The following MED12L variants were observed in gnomAD, a reference collection of about 807,000 sequenced individuals.
MED12L encodes mediator of RNA polymerase II transcription subunit 12-like protein.
In MED12L, 60 loss-of-function variants were observed where a neutral mutation model predicts 281.3. The ratio of observed to expected loss-of-function variants is 0.21; its 90% confidence interval spans 0.17 to 0.26. The LOEUF (loss-of-function observed/expected upper bound fraction) is 0.26, where lower values mean the gene tolerates loss of function less well. MED12L is among the 10% of genes least tolerant of loss of function. The pLI is 1.00. For synonymous variants in MED12L, 974 were observed against 987.2 expected (o/e 0.99, Z 0.25); for missense variants, 2,146 against 2,680.9 (o/e 0.80, Z 4.41).
At chr3:151,210,049 C>T (rs1197521759) in intron 16 of MED12L, among the ~76,000 whole-genome samples, 4 of 152,186 alleles carry the variant, frequency 2.6e-5, no homozygotes, top group African/African-American at 9.7e-5. Context: ...TCAATTTCAA[C>T]TCATAGGGTG....
intron 9 of MED12L, among the ~76,000 whole-genome samples, chr3:151,164,529 T>G (rs1021343001): frequency 1.3e-4 from 20 of 152,222 alleles, no homozygotes; most frequent in Admixed American, 9.8e-4. Context: ...AAATCATGCT[T>G]CTATAAAGAC....
intron 39 of MED12L, among the ~76,000 whole-genome samples, chr3:151,395,374 T>C (rs1214831475): frequency 6.6e-6 from 1 of 152,226 alleles, no homozygotes; most frequent in Non-Finnish European, 1.5e-5. Flanking sequence ...AGATAAATTA[T>C]AAACAACAGT....
At chr3:151,171,341 CTGTT>C (rs1390965566) in intron 11 of MED12L, among the ~76,000 whole-genome samples, 3 of 152,160 alleles carry the variant, frequency 2.0e-5, no homozygotes, top group South Asian at 2.1e-4. Flanking sequence ...TGGCATCTCT[CTGTT>C]TGGGATGAGT....
chr3:151,285,849 C>T (rs929303362), intron 16 of MED12L, among the ~76,000 whole-genome samples: 1 of 152,160 alleles, frequency 6.6e-6, no homozygotes, highest in Admixed American at 6.5e-5. Context: ...CATGTAAGGA[C>T]ACAGGGCACC....
chr3:151,141,668 T>C (rs2148869183), intron 5 of MED12L, among the ~76,000 whole-genome samples: 1 of 152,336 alleles, frequency 6.6e-6, no homozygotes, highest in African/African-American at 2.4e-5. Context: ...ATTGGGATTT[T>C]TTACTCTGTT....
chr3:151,270,611 C>G (rs912586879), intron 16 of MED12L, among the ~76,000 whole-genome samples: 9 of 152,076 alleles, frequency 5.9e-5, no homozygotes, highest in African/African-American at 1.9e-4. Context: ...TATCTGTCTA[C>G]TTTCTCTTGT....
intron 16 of MED12L, chr3:151,328,340 T>A: frequency 6.2e-7 from 1 of 1,613,174 alleles, no homozygotes; most frequent in East Asian, 2.2e-5. Context: ...GGACTTTCTA[T>A]AAGAATCATA....
intron 16 of MED12L, among the ~76,000 whole-genome samples, chr3:151,227,933 G>T (rs577035834): frequency 6.6e-6 from 1 of 152,224 alleles, no homozygotes; most frequent in African/African-American, 2.4e-5. Flanking sequence ...GCCATGGTTT[G>T]TGCAACCAGC....
intron 16 of MED12L, among the ~76,000 whole-genome samples, chr3:151,209,218 G>A (rs1022169242): frequency 6.6e-6 from 1 of 152,124 alleles, no homozygotes; most frequent in African/African-American, 2.4e-5. Context: ...TTGAAGCAGG[G>A]GGAGATAGGA....
At chr3:151,307,531 CTCTGTGTGTGTGTGTGTGTGTGTGTGTG>C (rs1343174356) in intron 16 of MED12L, among the ~76,000 whole-genome samples, 1 of 120,416 alleles carries the variant, frequency 8.3e-6, no homozygotes, top group African/African-American at 3.0e-5. Context: ...AGGTAACTTG[CTCTGTGTGTGTGTGTGTGTGTGTGTGTG>C]TGTGTGTGTG....
chr3:151,292,961 G>A (rs1744467729), intron 16 of MED12L, among the ~76,000 whole-genome samples: 1 of 152,130 alleles, frequency 6.6e-6, no homozygotes, highest in African/African-American at 2.4e-5. Context: ...CTATGCAAAT[G>A]ACCAACTGAG....
chr3:151,305,133 T>C (rs1453874076), intron 16 of MED12L, among the ~76,000 whole-genome samples: 4 of 152,266 alleles, frequency 2.6e-5, no homozygotes, highest in African/African-American at 9.6e-5. Flanking sequence ...ACAGTGGCTC[T>C]GCATTGTCTG....
At chr3:151,240,595 C>G (rs984322713) in intron 16 of MED12L, among the ~76,000 whole-genome samples, 2 of 152,102 alleles carry the variant, frequency 1.3e-5, no homozygotes, top group African/African-American at 4.8e-5. Context: ...ATGGCAGATT[C>G]AAATCTAGTT....
rs144030062 is a variant in MED12L, at chr3:151,102,659, G to C, written c.100-13679G>C. On this transcript the variant is annotated intron_variant, in intron 2 of 44. Transcript: ENST00000687756. Reference sequence around the variant, plus strand: ...TTTTATTTATGTTGTTTTTTGTAGAGACAAGGTCTCACTATGTTGCCCAGG... The same window carrying C: ...TTTTATTTATGTTGTTTTTTGTAGACACAAGGTCTCACTATGTTGCCCAGG... Among the ~76,000 whole-genome samples the C allele has an allele frequency of 3.9e-5, 6 of 152,246 alleles. No individual in the cohort carries two copies. The East Asian group carries it at 1.2e-3, about 29-fold the overall frequency.
At chr3:151,251,436 G>A (rs185044745) in intron 16 of MED12L, among the ~76,000 whole-genome samples, 1 of 151,848 alleles carries the variant, frequency 6.6e-6, no homozygotes, top group Admixed American at 6.6e-5. Context: ...CAAACCTCAG[G>A]TCATTTTTTG....
chr3:151,279,575 A>AC (rs1198102762), intron 16 of MED12L, among the ~76,000 whole-genome samples: 2 of 152,054 alleles, frequency 1.3e-5, no homozygotes, highest in African/African-American at 4.8e-5. Flanking sequence ...TCTTCTTCAG[A>AC]CCCCCAGCGG....
intron 43 of MED12L, 55 bp from the exon 44 acceptor site, chr3:151,430,244 G>A: frequency 1.9e-6 from 3 of 1,610,248 alleles, no homozygotes; most frequent in Non-Finnish European, 2.5e-6. Flanking sequence ...CTCTGTTCTT[G>A]TCTGTGATTG....
At chr3:151,389,920 A>G in intron 37 of MED12L, 59 bp from the exon 38 acceptor site, 2 of 1,559,706 alleles carry the variant, frequency 1.3e-6, no homozygotes, top group Non-Finnish European at 1.8e-6. Flanking sequence ...AGTTATTTGC[A>G]TTAATTAGCT....
intron 16 of MED12L, among the ~76,000 whole-genome samples, chr3:151,247,545 A>AT (rs1735852327): frequency 1.4e-5 from 2 of 145,656 alleles, no homozygotes; most frequent in Admixed American, 1.4e-4. Context: ...TCTCACTCAT[A>AT]GGTGGGAATT....
Sources: gnomAD v4.1 joint callset for allele counts (sites outside exome capture counted in the v4.1 genomes callset) on GRCh38, gnomAD v4.1.1 for gene constraint, MANE v1.5 for transcripts, NCBI Gene and HGNC (gene_info 2026-07-23, HGNC 2026-07-21) for gene names.